HPS5: variants seen among roughly 807,000 people sequenced by gnomAD.
HPS5 encodes HPS5 biogenesis of lysosomal organelles complex 2 subunit 2.
In HPS5, 83 loss-of-function variants were observed where a neutral mutation model predicts 128.0. The ratio of observed to expected loss-of-function variants is 0.65; its 90% CI spans 0.54 to 0.78. The LOEUF (loss-of-function observed/expected upper bound fraction) is 0.78. Among genes scored for constraint, HPS5 ranks in the 30% least tolerant of loss-of-function variants. The probability of loss-of-function intolerance (pLI) is 0.00; values close to 1 mark genes in which losing one functional copy is unlikely to be tolerated. For missense variants in HPS5, 1,281 were observed against 1,326.2 expected (o/e 0.97, Z 0.53); for synonymous variants, 475 against 470.2 (o/e 1.01, Z -0.13).
At chr11:18,285,811 C>T (rs946890219) in intron 19 of HPS5, among the ~76,000 whole-genome samples, 3 of 152,100 alleles carry the variant, frequency 2.0e-5, no homozygotes, top group Admixed American at 6.5e-5. Flanking sequence ...TGGGAGGAAA[C>T]GCAAGCAATA....
intron 1 of HPS5, among the ~76,000 whole-genome samples, chr11:18,321,288 CTTTT>C (rs1864292723): frequency 6.6e-6 from 1 of 152,324 alleles, no homozygotes; most frequent in African/African-American, 2.4e-5. Context: ...GGACTCGACT[CTTTT>C]TTTCTTTTTC....
At chr11:18,286,980 G>A in intron 18 of HPS5, 1 of 604,422 alleles carries the variant, frequency 1.7e-6, no homozygotes, top group East Asian at 2.8e-5. Context: ...GCCAGAGTAG[G>A]AAGATCACTG....
intron 11 of HPS5, among the ~76,000 whole-genome samples, 189 bp downstream of exon 11, chr11:18,297,370 G>A (rs899508615): frequency 3.9e-5 from 6 of 152,200 alleles, no homozygotes; most frequent in African/African-American, 1.4e-4. Context: ...AAAACAAAAT[G>A]TGGCTCCAAG....
chr11:18,287,431 A>G (rs1023177565), intron 18 of HPS5, 104 bp downstream of exon 18: 20 of 1,292,486 alleles, frequency 1.5e-5, no homozygotes, highest in Non-Finnish European at 2.1e-5. Context: ...TATGTGCCTC[A>G]ACCCCTTGGT....
intron 21 of HPS5, among the ~76,000 whole-genome samples, 168 bp downstream of exon 21, chr11:18,283,627 A>G (rs113203682): frequency 5.6e-4 from 85 of 152,314 alleles, no homozygotes; most frequent in African/African-American, 1.7e-3. Context: ...ATCAAGGGCT[A>G]TAGGTAAAAA....
chr11:18,306,372 G>A lies in HPS5; in HGVS notation c.612-25C>T, dbSNP rs1240682561. On this transcript the variant is annotated intron_variant, in intron 6 of 22. Coordinates refer to ENST00000349215, the MANE Select transcript of HPS5 (RefSeq NM_181507.2). ...TCTAACATCCAGAAAGGAAGAGAAA[G>A]CAGATTTACTTACAAAAAAAAGTCA... 4 of 1,565,990 alleles carry A rather than the reference G, an allele frequency of 2.6e-6. No homozygotes were observed. In the South Asian group the frequency reaches 3.3e-5, roughly 13 times the overall value.
chr11:18,310,708 A>G, intron 5 of HPS5, 33 bp downstream of exon 5: 1 of 1,489,388 alleles, frequency 6.7e-7, no homozygotes, highest in South Asian at 1.2e-5. Flanking sequence ...CTTGTATCTC[A>G]CTACATACAC....
intron 20 of HPS5, among the ~76,000 whole-genome samples, chr11:18,284,209 TGAGG>T (rs1859398365): frequency 6.6e-6 from 1 of 152,112 alleles, no homozygotes; most frequent in Non-Finnish European, 1.5e-5. Context: ...TGCTGACATT[TGAGG>T]CCAAGCTCCA....
intron 15 of HPS5, among the ~76,000 whole-genome samples, chr11:18,292,627 C>T (rs1240696936): frequency 1.3e-5 from 2 of 152,200 alleles, no homozygotes; most frequent in Non-Finnish European, 2.9e-5. Context: ...TAGTTTTACA[C>T]ACAAAGCTAG....
At chr11:18,297,781 A>G (rs1861248424) in intron 10 of HPS5, 64 bp from the exon 11 acceptor site, 1 of 1,495,388 alleles carries the variant, frequency 6.7e-7, no homozygotes, top group South Asian at 1.1e-5. Context: ...AATGGCCAAT[A>G]TATTGAAAGA....
Position 18,311,907 on chromosome 11 carries a change from A to G in HPS5, c.219+7T>C. 1 of 1,572,882 alleles carries G rather than the reference A, an allele frequency of 6.4e-7. No homozygotes were observed. The highest frequency in any genetic ancestry group is 8.8e-7 in the Non-Finnish European group (1 of 1,142,516). On this transcript the variant is annotated splice_region_variant and intron_variant, in intron 3 of 22. Coordinates refer to ENST00000349215, the MANE Select transcript of HPS5 (RefSeq NM_181507.2). ...ATGGTGTATGACAGAGCTGCCCTTA[A>G]TCTTACCCTGTGTGAAAGAAAAAGC...
rs1459825191 is a variant in HPS5 at position 18,282,234 on chromosome 11, G to A, written c.3059-14C>T. ...CTGGGATCCAACCTAAACACACACA[G>A]GGAAGTGTCAGTTTGACCACTCTTA... On this transcript the variant is annotated splice_polypyrimidine_tract_variant and intron_variant, in intron 21 of 22. Coordinates refer to ENST00000349215, the MANE Select transcript of HPS5 (RefSeq NM_181507.2). 2 of 1,613,622 alleles carry A rather than the reference G, an allele frequency of 1.2e-6. No homozygotes were observed. Among genetic ancestry groups the A allele is most frequent in the African/African-American group, 2.7e-5 (2 of 74,872 alleles).
chr11:18,305,455 T>G lies in HPS5; in HGVS notation c.863A>C (p.Gln288Pro), dbSNP rs1862238179. 1.7e-5 allele frequency: 27 copies of G among 1,611,214 alleles called. No homozygotes were observed. Among genetic ancestry groups the G allele is most frequent in the Non-Finnish European group, 2.3e-5 (27 of 1,177,562 alleles). Residue 288 changes from glutamine (Q) to proline (P), a missense_variant, in exon 8 of 23, where the codon CAG (glutamine) becomes CCG (proline). Coordinates refer to ENST00000349215, the MANE Select transcript of HPS5 (RefSeq NM_181507.2). ...TAAGAGTTTGGGGAAAGACAAAGAC[T>G]GGGAGGATCCAGCTGTATGATCATA... The part of the protein sequence containing the change: ...PQYDHTAGSS[Q>P]SLSFPKLLHL...
chr11:18,305,779 C>G (rs1043469173), intron 7 of HPS5, among the ~76,000 whole-genome samples: 2 of 145,902 alleles, frequency 1.4e-5, no homozygotes, highest in Non-Finnish European at 3.0e-5. Context: ...GTCACCCACG[C>G]TGGAGTGCAG....
At chr11:18,288,670 CAG>C (rs1386585555) in intron 16 of HPS5, among the ~76,000 whole-genome samples, 1 of 151,506 alleles carries the variant, frequency 6.6e-6, no homozygotes. Context: ...TTTTTAGAAA[CAG>C]GGTCTCATTC....
At chr11:18,305,754 A>G (rs985665902) in intron 7 of HPS5, among the ~76,000 whole-genome samples, 2 of 140,618 alleles carry the variant, frequency 1.4e-5, no homozygotes, top group African/African-American at 2.7e-5. Flanking sequence ...TTTTTTTGAG[A>G]CGGAGTCTCG....
chr11:18,294,792 C>T lies in HPS5; in HGVS notation c.1784+228G>A, dbSNP rs189238333. 1.2e-4 allele frequency among the ~76,000 whole-genome samples: 18 copies of T among 151,808 alleles called. No individual in the cohort carries two copies. In the East Asian group the frequency reaches 3.1e-3, roughly 26 times the overall value. ...ATGGGAAGAATTGTCTTGGGCCACA[C>T]ATAAAATACACTAACATTAACAATA... is the stretch of plus-strand genomic sequence containing the variant. On this transcript the variant is annotated intron_variant, in intron 14 of 22. Coordinates refer to ENST00000349215, the MANE Select transcript of HPS5 (RefSeq NM_181507.2).
At chr11:18,297,122 A>G (rs1861171971) in intron 11 of HPS5, 138 bp from the exon 12 acceptor site, 3 of 686,348 alleles carry the variant, frequency 4.4e-6, no homozygotes, top group African/African-American at 1.8e-5. Context: ...CAAACTGATG[A>G]GCAAGGCTTA....
intron 16 of HPS5, among the ~76,000 whole-genome samples, chr11:18,290,036 C>T (rs1435634882): frequency 1.3e-5 from 2 of 152,178 alleles, no homozygotes; most frequent in Admixed American, 6.5e-5. Context: ...TTAGTTGTGG[C>T]TATATGACAG....
Sources: allele counts gnomAD v4.1 joint callset (sites outside exome capture counted in the v4.1 genomes callset), GRCh38; gene constraint gnomAD v4.1.1; transcripts MANE v1.5; gene names NCBI Gene and HGNC (gene_info 2026-07-23, HGNC 2026-07-21).